ANKRD17: variants seen among roughly 807,000 people sequenced by gnomAD.
The protein encoded by ANKRD17 is ankyrin repeat domain-containing protein 17.
Under a neutral mutation model 229.7 loss-of-function variants are expected in ANKRD17, and 19 were observed. The observed-to-expected ratio is 0.08, with a 90% CI of 0.06 to 0.12. The LOEUF (loss-of-function observed/expected upper bound fraction) is 0.12, where lower values mean the gene tolerates loss of function less well. Among genes scored for constraint, ANKRD17 ranks in the 10% least tolerant of loss-of-function variants. The pLI, the probability that ANKRD17 is intolerant of heterozygous loss-of-function variation, is 1.00. For missense variants in ANKRD17, 2,176 were observed against 3,176.8 expected (o/e 0.68, Z 7.57); for synonymous variants, 1,112 against 1,146.1 (o/e 0.97, Z 0.60).
chr4:73,247,371 A>T (rs1051061026), intron 1 of ANKRD17, among the ~76,000 whole-genome samples: 2 of 152,092 alleles, frequency 1.3e-5, no homozygotes, highest in Non-Finnish European at 2.9e-5. Context: ...ATTTCCAGGA[A>T]TCCATCCCAA....
chr4:73,086,202 T>G (rs1279077673), intron 29 of ANKRD17, among the ~76,000 whole-genome samples: 1 of 152,204 alleles, frequency 6.6e-6, no homozygotes, highest in African/African-American at 2.4e-5. Context: ...TTGCCTTTAT[T>G]GATCATAAAA....
intron 8 of ANKRD17, among the ~76,000 whole-genome samples, chr4:73,147,933 ATAC>A (rs1414101195): frequency 1.3e-5 from 2 of 152,160 alleles, no homozygotes; most frequent in Non-Finnish European, 2.9e-5. Context: ...ATTGTCATCA[ATAC>A]TACCACCATC....
At chr4:73,147,096 G>T in intron 9 of ANKRD17, 145 bp downstream of exon 9, 3 of 847,874 alleles carry the variant, frequency 3.5e-6, no homozygotes, top group Non-Finnish European at 3.5e-6. Flanking sequence ...AAGGTAAACT[G>T]TTCAGAATAC....
chr4:73,139,442 A>C, intron 15 of ANKRD17, 89 bp downstream of exon 15: 1 of 1,473,440 alleles, frequency 6.8e-7, no homozygotes, highest in Non-Finnish European at 9.1e-7. Flanking sequence ...AATAGTTCTC[A>C]AGTTGGGTAA....
intron 14 of ANKRD17, among the ~76,000 whole-genome samples, chr4:73,140,950 G>A (rs893157039): frequency 6.6e-5 from 10 of 152,126 alleles, no homozygotes; most frequent in African/African-American, 2.4e-4. Context: ...TGTATCTTCT[G>A]ACAGCCAGGT....
chr4:73,223,374 CAA>C (rs1742112463), intron 1 of ANKRD17, among the ~76,000 whole-genome samples: 1 of 152,094 alleles, frequency 6.6e-6, no homozygotes, highest in Admixed American at 6.6e-5. Flanking sequence ...CCTGGTTGAA[CAA>C]AAGAGGTTGA....
At chr4:73,205,274 T>G (rs1397703886) in intron 1 of ANKRD17, among the ~76,000 whole-genome samples, 1 of 152,108 alleles carries the variant, frequency 6.6e-6, no homozygotes, top group Non-Finnish European at 1.5e-5. Flanking sequence ...GCCATGGTCA[T>G]GCCACTGCAC....
rs757265063 is a variant in ANKRD17 at position 73,090,727 on chromosome 4, C to G, written c.6901G>C (p.Asp2301His). 6.2e-7 allele frequency: 1 copy of G among 1,614,038 alleles called. No homozygotes were observed. The highest frequency in any genetic ancestry group is 8.5e-7 in the Non-Finnish European group (1 of 1,180,038). ...CTAAAACCTGGAGCTTTGGAAGTAT[C>G]AGACTGATGTAAAGGATCTGAATTT... is the stretch of plus-strand genomic sequence containing the variant. ...LPNSDPLHQS[D>H]TSKAPGFRPP... The change falls in exon 29 of 34, where the codon GAT (aspartate) becomes CAT (histidine). Residue 2301 changes from aspartate to histidine, a missense_variant. Transcript: ENST00000358602.
intron 24 of ANKRD17, chr4:73,102,792 C>T: frequency 2.4e-6 from 1 of 420,170 alleles, no homozygotes; most frequent in Non-Finnish European, 4.1e-6. Context: ...AGATACATAG[C>T]TTTTAATCAT....
At chr4:73,097,953 T>C in intron 26 of ANKRD17, 120 bp downstream of exon 26, 1 of 871,468 alleles carries the variant, frequency 1.1e-6, no homozygotes, top group Non-Finnish European at 1.7e-6. Context: ...CAGTACCTTC[T>C]TTAGCACAAA....
intron 1 of ANKRD17, among the ~76,000 whole-genome samples, chr4:73,250,028 C>T (rs1303436253): frequency 1.3e-5 from 2 of 152,108 alleles, no homozygotes; most frequent in Non-Finnish European, 2.9e-5. Context: ...CAAAAATATA[C>T]ATAATCTATT....
chr4:73,121,197 ATTGT>A (rs1726680251), intron 19 of ANKRD17, 103 bp from the exon 20 acceptor site: 3 of 1,029,292 alleles, frequency 2.9e-6, no homozygotes, highest in Non-Finnish European at 4.4e-6. Context: ...ATTTTGAAGG[ATTGT>A]TTAAAATATC....
chr4:73,135,808 C>T (rs766910958), intron 15 of ANKRD17, among the ~76,000 whole-genome samples: 4 of 152,064 alleles, frequency 2.6e-5, no homozygotes, highest in Admixed American at 6.6e-5. Context: ...TGCATTGTAG[C>T]CCTCTGGAAT....
chr4:73,206,427 A>C (rs781640059), intron 1 of ANKRD17, among the ~76,000 whole-genome samples: 2,671 of 102,808 alleles, frequency 0.026, 49 homozygotes, highest in African/African-American at 0.057. Context: ...AAAGAAAGTG[A>C]GAGAGAGAGA....
chr4:73,223,014 G>A (rs895519353), intron 1 of ANKRD17: 16 of 1,535,780 alleles, frequency 1.0e-5, no homozygotes, highest in Middle Eastern at 1.7e-4. Context: ...CATTTCAGCC[G>A]CTGTCTCCAC....
At chr4:73,167,505 T>C (rs974462236) in intron 2 of ANKRD17, among the ~76,000 whole-genome samples, 3 of 152,196 alleles carry the variant, frequency 2.0e-5, no homozygotes, top group African/African-American at 7.2e-5. Context: ...TTGTGCCTCT[T>C]GGGGCCACAG....
chr4:73,096,377 T>C (rs1245968503), intron 27 of ANKRD17, among the ~76,000 whole-genome samples: 2 of 152,140 alleles, frequency 1.3e-5, no homozygotes, highest in South Asian at 2.1e-4. Flanking sequence ...AATGTGTGTA[T>C]AGTGTGTGAA....
chr4:73,158,132 G>GAGAA (rs1198180990), intron 3 of ANKRD17, among the ~76,000 whole-genome samples: 25 of 50,872 alleles, frequency 4.9e-4, no homozygotes, highest in African/African-American at 1.5e-3. Flanking sequence ...AAGAAAGAAG[G>GAGAA]AGAAAGAAAG....
intron 1 of ANKRD17, among the ~76,000 whole-genome samples, chr4:73,224,897 G>A (rs533060468): frequency 1.4e-3 from 212 of 152,248 alleles, no homozygotes; most frequent in Non-Finnish European, 1.9e-3. Context: ...CTCATTTTAC[G>A]AATAAGGGAA....
Sources: allele counts gnomAD v4.1 joint callset (sites outside exome capture counted in the v4.1 genomes callset), GRCh38; gene constraint gnomAD v4.1.1; transcripts MANE v1.5; gene names NCBI Gene and HGNC (gene_info 2026-07-23, HGNC 2026-07-21).